TRAPPC9: variants seen among roughly 807,000 people sequenced by gnomAD.
TRAPPC9 encodes IKK2 binding protein.
In TRAPPC9, 83 loss-of-function variants were observed where a neutral mutation model predicts 124.0. The observed-to-expected ratio is 0.67, with a 90% CI of 0.56 to 0.80. The LOEUF (loss-of-function observed/expected upper bound fraction) is 0.80, where lower values mean the gene tolerates loss of function less well. Ranked by LOEUF, TRAPPC9 falls within the 30% of genes least tolerant of loss-of-function variation. TRAPPC9 has a pLI of 0.00. For missense variants in TRAPPC9, 1,302 were observed against 1,508.3 expected (o/e 0.86, Z 2.27); for synonymous variants, 638 against 617.5 (o/e 1.03, Z -0.49).
chr8:140,038,419 G>T (rs765842217), intron 17 of TRAPPC9, among the ~76,000 whole-genome samples: 1 of 152,240 alleles, frequency 6.6e-6, no homozygotes, highest in Non-Finnish European at 1.5e-5. Context: ...CCTCACTCTA[G>T]AGGGTGGAAA....
intron 9 of TRAPPC9, among the ~76,000 whole-genome samples, chr8:140,343,453 A>T (rs953311732): frequency 2.0e-5 from 3 of 152,264 alleles, no homozygotes; most frequent in African/African-American, 7.2e-5. Context: ...CACGTCGTGA[A>T]TCTGACTTGG....
rs569375152 is a variant in TRAPPC9 at position 139,782,345 on chromosome 8, A to G, written c.3056-50143T>C. Among the ~76,000 whole-genome samples the G allele has an allele frequency of 7.2e-5, 11 of 152,298 alleles. No homozygotes were observed. The East Asian group carries it at 1.9e-3, about 27-fold the overall frequency. On this transcript the variant is annotated intron_variant, in intron 21 of 22. Coordinates refer to ENST00000438773, the MANE Select transcript of TRAPPC9 (RefSeq NM_001160372.4). ...CAGTGAGCAGAGATCGTGCCACTGC[A>G]CTCTAGCCTGGCCACAGGGGCCCCG...
At chr8:139,867,420 T>C (rs989909188) in intron 21 of TRAPPC9, among the ~76,000 whole-genome samples, 4 of 152,208 alleles carry the variant, frequency 2.6e-5, no homozygotes, top group African/African-American at 9.6e-5. Flanking sequence ...TAAGCACATT[T>C]AAAGGTCTGA....
intron 17 of TRAPPC9, among the ~76,000 whole-genome samples, chr8:140,127,824 T>C: frequency 6.6e-6 from 1 of 152,196 alleles, no homozygotes; most frequent in East Asian, 1.9e-4. Context: ...GTTTACAAAT[T>C]TGTGTTGCTC....
chr8:140,391,563 T>C (rs1029053657), intron 7 of TRAPPC9, among the ~76,000 whole-genome samples: 1 of 146,718 alleles, frequency 6.8e-6, no homozygotes, highest in Non-Finnish European at 1.5e-5. Flanking sequence ...AAATACAAAA[T>C]TAGCCGGGTG....
rs1323761680 is a variant in TRAPPC9 at position 140,270,799 on chromosome 8, TAGCTCCTGACAGCAA to T, written c.2278+4844_2278+4858del. Among the ~76,000 whole-genome samples, 4 of 152,070 alleles carry T rather than the reference TAGCTCCTGACAGCAA, an allele frequency of 2.6e-5. No individual in the cohort carries two copies. In the East Asian group the frequency reaches 5.8e-4, roughly 22 times the overall value. ...GCAGGAGCATCCAGGAAGCCAAAAT[TAGCTCCTGACAGCAA>T]TGCGACTCCAGCTGAAGAGGAGAGG... is the stretch of plus-strand genomic sequence containing the variant. On this transcript the variant is annotated intron_variant, in intron 15 of 22. Transcript: ENST00000438773.
At chr8:140,032,408 C>A (rs1373883794) in intron 17 of TRAPPC9, among the ~76,000 whole-genome samples, 1 of 121,176 alleles carries the variant, frequency 8.3e-6, no homozygotes, top group Non-Finnish European at 2.0e-5. Flanking sequence ...ACTTTTCCTC[C>A]CCCCCCACCC....
At chr8:140,139,536 C>A (rs1014447044) in intron 17 of TRAPPC9, among the ~76,000 whole-genome samples, 1 of 152,158 alleles carries the variant, frequency 6.6e-6, no homozygotes, top group African/African-American at 2.4e-5. Context: ...AACCCAAAGG[C>A]CCATCAACAG....
chr8:140,142,332 T>G (rs1199573178), intron 17 of TRAPPC9, among the ~76,000 whole-genome samples: 1 of 152,246 alleles, frequency 6.6e-6, no homozygotes, highest in African/African-American at 2.4e-5. Context: ...CTGATGACCT[T>G]CCTCTTTCAT....
At chr8:140,405,445 A>G (rs1402492977) in intron 6 of TRAPPC9, 132 bp downstream of exon 6, 2 of 972,690 alleles carry the variant, frequency 2.1e-6, no homozygotes, top group Non-Finnish European at 3.2e-6. Context: ...AGTACTATGC[A>G]TTAGAGAGCA....
Position 139,856,431 on chromosome 8 carries a change from C to G in TRAPPC9, c.3055+29448G>C, listed in dbSNP as rs117062040. 3.1e-3 allele frequency among the ~76,000 whole-genome samples: 476 copies of G among 152,252 alleles called. 11 individuals carry two copies. The East Asian group carries it at 0.078, about 25-fold the overall frequency. ...GCTCCCCTTCCTCTACTGCCCTCCCCCTCTGGGACCGGGAGGCCAGGAGAC... is the reference window on the plus strand; with the variant it reads ...GCTCCCCTTCCTCTACTGCCCTCCCGCTCTGGGACCGGGAGGCCAGGAGAC... On this transcript the variant is annotated intron_variant, in intron 21 of 22. Transcript: ENST00000438773.
chr8:140,162,597 G>A (rs1314017531), intron 17 of TRAPPC9, among the ~76,000 whole-genome samples: 3 of 152,246 alleles, frequency 2.0e-5, no homozygotes, highest in African/African-American at 7.2e-5. Flanking sequence ...TTGAGGGGAA[G>A]AGGGCAGACT....
At chr8:140,263,438 G>A (rs2064179778) in intron 15 of TRAPPC9, among the ~76,000 whole-genome samples, 1 of 152,194 alleles carries the variant, frequency 6.6e-6, no homozygotes, top group African/African-American at 2.4e-5. Context: ...CCATGGGATG[G>A]ATTTCCCTGA....
intron 21 of TRAPPC9, among the ~76,000 whole-genome samples, chr8:139,821,218 G>A (rs1323387041): frequency 6.6e-6 from 1 of 152,246 alleles, no homozygotes; most frequent in African/African-American, 2.4e-5. Flanking sequence ...AAACACATGA[G>A]CAAAGCCCAG....
intron 17 of TRAPPC9, among the ~76,000 whole-genome samples, chr8:140,069,852 C>T (rs55951655): frequency 6.6e-6 from 1 of 152,208 alleles, no homozygotes; most frequent in African/African-American, 2.4e-5. Flanking sequence ...AAGCCACAGG[C>T]CGAGAACCCT....
intron 18 of TRAPPC9, among the ~76,000 whole-genome samples, chr8:140,023,150 C>T (rs182877345): frequency 1.5e-3 from 233 of 152,170 alleles, no homozygotes; most frequent in African/African-American, 4.9e-3. Context: ...AACACCAGGA[C>T]GAGCTCGGAG....
chr8:139,867,081 G>A (rs920183589), intron 21 of TRAPPC9, among the ~76,000 whole-genome samples: 11 of 152,158 alleles, frequency 7.2e-5, no homozygotes, highest in Admixed American at 1.3e-4. Context: ...TGATCCGCCC[G>A]CCTTGGCCTC....
In TRAPPC9 at chr8:139,795,500, C is replaced by T. The variant is rs189500440; in HGVS notation, c.3056-63298G>A. Among the ~76,000 whole-genome samples the T allele has an allele frequency of 1.2e-3, 160 of 139,018 alleles. 1 individual carries two copies. Among genetic ancestry groups the T allele is most frequent in the East Asian group, 0.011 (51 of 4,702 alleles). 91.2% of individuals were successfully genotyped at this position (139,018 alleles called of 152,430 possible). A position where few individuals can be genotyped will look rare whatever the true frequency, so the allele number is the denominator to read the frequency against. Reference sequence around the variant, plus strand: ...AACACAGCTTTTCCCCTGAGCCACACATGGCTTAATTGCTAGGCAATGCAG... The same window carrying T: ...AACACAGCTTTTCCCCTGAGCCACATATGGCTTAATTGCTAGGCAATGCAG... On this transcript the variant is annotated intron_variant, in intron 21 of 22. Coordinates refer to ENST00000438773, the MANE Select transcript of TRAPPC9 (RefSeq NM_001160372.4).
intron 18 of TRAPPC9, among the ~76,000 whole-genome samples, chr8:140,015,076 A>G (rs190982753): frequency 2.8e-4 from 42 of 152,414 alleles, no homozygotes; most frequent in Non-Finnish European, 5.3e-4. Context: ...AATAGAGTAT[A>G]TGATTCATGT....
Sources: allele counts gnomAD v4.1 joint callset (sites outside exome capture counted in the v4.1 genomes callset), GRCh38; gene constraint gnomAD v4.1.1; transcripts MANE v1.5; gene names NCBI Gene and HGNC (gene_info 2026-07-23, HGNC 2026-07-21).